Variants in CCDC146 observed in about 807,000 individuals in gnomAD.
CCDC146 encodes coiled-coil domain containing 146.
Under a neutral mutation model 119.3 loss-of-function variants are expected in CCDC146, and 92 were observed. That is an observed-to-expected ratio of 0.77 (90% CI 0.65 to 0.92). The LOEUF (loss-of-function observed/expected upper bound fraction) is 0.92. CCDC146 is among the 40% of genes least tolerant of loss of function. The pLI is 0.00. For synonymous variants in CCDC146, 372 were observed against 371.8 expected (o/e 1.00, Z -0.01); for missense variants, 1,000 against 1,103.0 (o/e 0.91, Z 1.32).
intron 2 of CCDC146, among the ~76,000 whole-genome samples, chr7:77,224,364 T>A (rs1376072200): frequency 1.3e-5 from 2 of 152,210 alleles, no homozygotes; most frequent in Non-Finnish European, 2.9e-5. Flanking sequence ...CCTTCTCATA[T>A]TTCAGATCTT....
chr7:77,264,557 G>A (rs1318909720), intron 9 of CCDC146, among the ~76,000 whole-genome samples: 1 of 152,146 alleles, frequency 6.6e-6, no homozygotes. Context: ...ACCGCACCCA[G>A]CCCTATTTAC....
In CCDC146 at chr7:77,170,571, GAACTA is replaced by G. The variant is rs759291729; in HGVS notation, c.156+2755_156+2759del. On this transcript the variant is annotated intron_variant, in intron 2 of 18. Transcript: ENST00000285871. ...CTCCAAACTGCTTTCCACAGTGGCT[GAACTA>G]AACTAAAGAGCCTCTTCACAGCAAA... Among the ~76,000 whole-genome samples the G allele has an allele frequency of 1.4e-3, 216 of 152,196 alleles. 1 individual carries two copies. The highest frequency in any genetic ancestry group is 2.6e-3 in the Non-Finnish European group (175 of 67,992).
At chr7:77,190,733 G>A (rs181048959) in intron 2 of CCDC146, among the ~76,000 whole-genome samples, 17 of 152,174 alleles carry the variant, frequency 1.1e-4, no homozygotes, top group Non-Finnish European at 1.8e-4. Flanking sequence ...TGACTTAGTA[G>A]ACATTGTGAT....
At chr7:77,235,763 G>A (rs1327176573) in intron 2 of CCDC146, among the ~76,000 whole-genome samples, 1 of 152,110 alleles carries the variant, frequency 6.6e-6, no homozygotes, top group Non-Finnish European at 1.5e-5. Flanking sequence ...AGAGGAAAGT[G>A]GATGAATTCA....
At chr7:77,141,878 G>C (rs1430202754) in intron 1 of CCDC146, among the ~76,000 whole-genome samples, 1 of 152,132 alleles carries the variant, frequency 6.6e-6, no homozygotes, top group Non-Finnish European at 1.5e-5. Flanking sequence ...TGTTCACTGT[G>C]ATGATAGTTT....
intron 2 of CCDC146, among the ~76,000 whole-genome samples, chr7:77,181,292 G>A (rs540490530): frequency 2.2e-4 from 33 of 152,290 alleles, no homozygotes; most frequent in African/African-American, 7.5e-4. Context: ...TGGGCTCTGG[G>A]CCCATTCATA....
chr7:77,163,106 G>A (rs571357279), intron 1 of CCDC146, among the ~76,000 whole-genome samples: 70 of 152,330 alleles, frequency 4.6e-4, no homozygotes, highest in Non-Finnish European at 8.4e-4. Flanking sequence ...GCAGTGCTCT[G>A]AGAAATTGTC....
intron 2 of CCDC146, among the ~76,000 whole-genome samples, chr7:77,217,660 C>A (rs913791389): frequency 3.3e-5 from 5 of 151,794 alleles, no homozygotes; most frequent in African/African-American, 9.7e-5. Flanking sequence ...CATTGTTAGA[C>A]TATTTAATCA....
intron 2 of CCDC146, among the ~76,000 whole-genome samples, chr7:77,186,168 T>C (rs1791663455): frequency 6.6e-6 from 1 of 152,184 alleles, no homozygotes; most frequent in Non-Finnish European, 1.5e-5. Flanking sequence ...AGGAAATCAG[T>C]GTATCAAAGA....
Position 77,162,205 on chromosome 7 carries a change from C to T in CCDC146, c.-11-5453C>T, listed in dbSNP as rs1331136432. 4.6e-5 allele frequency among the ~76,000 whole-genome samples: 7 copies of T among 152,112 alleles called. No individual in the cohort carries two copies. In the South Asian group the frequency reaches 1.5e-3, roughly 32 times the overall value. ...GTTGCCCATGCTTTTGGTGTCATAT[C>T]CAAAATATAATCACTAAAACCAATG... On this transcript the variant is annotated intron_variant, in intron 1 of 18. Transcript: ENST00000285871.
At chr7:77,215,578 T>G (rs749551086) in intron 2 of CCDC146, among the ~76,000 whole-genome samples, 2 of 152,176 alleles carry the variant, frequency 1.3e-5, no homozygotes, top group Non-Finnish European at 2.9e-5. Flanking sequence ...AGATAGATTA[T>G]GTATATATAA....
chr7:77,214,039 A>G (rs1792252998), intron 2 of CCDC146, among the ~76,000 whole-genome samples: 1 of 152,196 alleles, frequency 6.6e-6, no homozygotes, highest in Non-Finnish European at 1.5e-5. Flanking sequence ...AAAAATTTCC[A>G]TGCTGTTTTC....
chr7:77,191,802 T>C (rs1791770580), intron 2 of CCDC146, among the ~76,000 whole-genome samples: 2 of 152,028 alleles, frequency 1.3e-5, no homozygotes, highest in South Asian at 2.1e-4. Flanking sequence ...CCTAGCTACT[T>C]GGGAGGCTGA....
At chr7:77,210,902 G>A (rs1386927133) in intron 2 of CCDC146, among the ~76,000 whole-genome samples, 3 of 152,102 alleles carry the variant, frequency 2.0e-5, no homozygotes, top group East Asian at 1.9e-4. Context: ...TCACTATCAT[G>A]AGAACAGCAA....
intron 1 of CCDC146, among the ~76,000 whole-genome samples, chr7:77,125,905 C>T (rs971402847): frequency 9.9e-5 from 15 of 152,210 alleles, no homozygotes; most frequent in African/African-American, 3.4e-4. Context: ...TATTTGAAAT[C>T]TCTATGTGAA....
chr7:77,188,000 C>T (rs1020274802), intron 2 of CCDC146, among the ~76,000 whole-genome samples: 9 of 152,202 alleles, frequency 5.9e-5, no homozygotes, highest in African/African-American at 1.7e-4. Context: ...GTTCAAACTG[C>T]GTTCAAAATA....
rs1224940945 is a variant in CCDC146, at chr7:77,282,602, T to G, written c.1965T>G (p.Tyr655Ter). The change falls in exon 15 of 19, where the codon TAT (tyrosine) becomes TAG (stop). Residue 655 changes from tyrosine (Y) to a stop codon, truncating the protein, a stop_gained. Coordinates refer to ENST00000285871, the MANE Select transcript of CCDC146 (RefSeq NM_020879.3). LOFTEE classifies it high-confidence loss of function. ...IEREEEICIF[Y>*]EKINIQEKMK... is the part of the protein sequence containing the mutation. ...GGGAAGAAGAAATATGCATTTTTTA[T>G]GAAAAAATAAATATCCAAGAGAAGA... The G allele has an allele frequency of 6.2e-7, 1 of 1,612,130 alleles. No homozygotes were observed. The highest frequency in any genetic ancestry group is 1.7e-5 in the Admixed American group (1 of 59,698).
chr7:77,122,996 C>T (rs1450629225), intron 1 of CCDC146, among the ~76,000 whole-genome samples: 2 of 147,528 alleles, frequency 1.4e-5, no homozygotes. Flanking sequence ...TTAATTTGCT[C>T]ACTTTAAAAA....
At chr7:77,293,302 T>C (rs769028884) in intron 18 of CCDC146, 102 bp downstream of exon 18, 70 of 1,218,710 alleles carry the variant, frequency 5.7e-5, no homozygotes, top group Non-Finnish European at 7.4e-5. Context: ...TTCCCCACTC[T>C]ACCACACACA....
Sources: gnomAD v4.1 joint callset for allele counts (sites outside exome capture counted in the v4.1 genomes callset) on GRCh38, gnomAD v4.1.1 for gene constraint, MANE v1.5 for transcripts, NCBI Gene and HGNC (gene_info 2026-07-23, HGNC 2026-07-21) for gene names.